ARHGAP6: variants seen among roughly 807,000 people sequenced by gnomAD.
ARHGAP6 encodes the protein Rho GTPase activating protein 6, also known as rho GTPase-activating protein 6.
A neutral mutation model predicts 55.7 loss-of-function variants in ARHGAP6; 16 were observed. The observed-to-expected ratio is 0.29, with a 90% CI of 0.19 to 0.44. The LOEUF is 0.44. Ranked by LOEUF, ARHGAP6 falls within the 20% of genes least tolerant of loss-of-function variation. The pLI is 1.00. For missense variants in ARHGAP6, 698 were observed against 808.9 expected (o/e 0.86, Z 1.66); for synonymous variants, 382 against 360.9 (o/e 1.06, Z -0.66).
chrX:11,227,458 T>A lies in ARHGAP6; in HGVS notation c.748+27090A>T, dbSNP rs1433710182. 2.7e-5 allele frequency among the ~76,000 whole-genome samples: 3 copies of A among 111,800 alleles called. No individual in the cohort carries two copies. The Admixed American group carries it at 2.9e-4, about 11-fold the overall frequency. On this transcript the variant is annotated intron_variant, in intron 2 of 12. Coordinates refer to ENST00000337414, the MANE Select transcript of ARHGAP6 (RefSeq NM_013427.3). ...AGGCTGCCCTAGTTCAAGACCTCAT[T>A]CTTCCTTGCTTGTATTATTAAGCTC...
intron 1 of ARHGAP6, among the ~76,000 whole-genome samples, chrX:11,410,577 G>A (rs890208457): frequency 3.6e-5 from 4 of 112,360 alleles, no homozygotes; most frequent in South Asian, 7.3e-4. Flanking sequence ...GTACAACTCC[G>A]TGAATGTACT....
At chrX:11,632,983 G>A (rs1264541342) in intron 1 of ARHGAP6, among the ~76,000 whole-genome samples, 1 of 111,772 alleles carries the variant, frequency 8.9e-6, no homozygotes, top group African/African-American at 3.3e-5. Context: ...CAGAGCCTTT[G>A]CCTCATGGTG....
In ARHGAP6 at chrX:11,471,300, TTAAAAA is replaced by T. The variant is rs1469402286; in HGVS notation, c.588+192935_588+192940del. ...AACAAAAGCCTTTCACACTTGAAAG[TTAAAAA>T]TAAAAAAGAAACAACAGTATTCTTC... On this transcript the variant is annotated intron_variant, in intron 1 of 12. Coordinates refer to ENST00000337414, the MANE Select transcript of ARHGAP6 (RefSeq NM_013427.3). 3.6e-5 allele frequency among the ~76,000 whole-genome samples: 4 copies of T among 110,969 alleles called. No individual in the cohort carries two copies. In the East Asian group the frequency reaches 8.4e-4, roughly 23 times the overall value.
intron 1 of ARHGAP6, among the ~76,000 whole-genome samples, chrX:11,486,791 G>A (rs1480966789): frequency 8.9e-6 from 1 of 112,011 alleles, no homozygotes; most frequent in African/African-American, 3.2e-5. Flanking sequence ...GGATGTTGAA[G>A]CCTGAATCAG....
rs990216136 is a variant in ARHGAP6, at chrX:11,322,363, A to T, written c.589-67656T>A. ...CCCCAGTGAAAAACACTGATAGCAT[A>T]TTTTTCTTTTTTGAGACAGAGTTTC... On this transcript the variant is annotated intron_variant, in intron 1 of 12. Transcript: ENST00000337414. Among the ~76,000 whole-genome samples, 3 of 106,220 alleles carry T rather than the reference A, an allele frequency of 2.8e-5. No individual in the cohort carries two copies. In the South Asian group the frequency reaches 1.3e-3, roughly 45 times the overall value. The allele number at this position is 106,220 out of a possible 115,157, so 92.2% of individuals were successfully genotyped here. A position where few individuals can be genotyped will look rare whatever the true frequency, so the allele number is the denominator to read the frequency against.
intron 1 of ARHGAP6, among the ~76,000 whole-genome samples, chrX:11,653,413 C>T (rs1278285971): frequency 8.9e-6 from 1 of 112,366 alleles, no homozygotes; most frequent in Non-Finnish European, 1.9e-5. Context: ...AATAAAGTTC[C>T]ACTTGTTTCC....
chrX:11,270,882 T>C (rs1367714723), intron 1 of ARHGAP6, among the ~76,000 whole-genome samples: 1 of 112,027 alleles, frequency 8.9e-6, no homozygotes, highest in Non-Finnish European at 1.9e-5. Context: ...GTACAGAGTG[T>C]GAAATTTGCA....
chrX:11,665,617 C>A lies in ARHGAP6; in HGVS notation c.-789G>T, dbSNP rs1024293518. The A allele has an allele frequency of 8.8e-6, 1 of 113,398 alleles. No homozygotes were observed. Among genetic ancestry groups the A allele is most frequent in the Non-Finnish European group, 1.9e-5 (1 of 53,389 alleles). The allele number at this position is 113,398 out of a possible 1,213,427, so 9.3% of individuals were successfully genotyped here. A position where few individuals can be genotyped will look rare whatever the true frequency, so the allele number is the denominator to read the frequency against. ...AATTCCCGGCGGCGCTCAGCGCTCT[C>A]CGTGGAGGAGGGAGCTCAGGAGACA... On this transcript the variant is annotated 5_prime_UTR_variant, in exon 1 of 13. Coordinates refer to ENST00000337414, the MANE Select transcript of ARHGAP6 (RefSeq NM_013427.3).
At chrX:11,538,879 C>T (rs1236293621) in intron 1 of ARHGAP6, among the ~76,000 whole-genome samples, 4 of 96,623 alleles carry the variant, frequency 4.1e-5, no homozygotes, top group African/African-American at 1.5e-4. Flanking sequence ...GACAGGGTAT[C>T]GTTCTGTCAC....
intron 1 of ARHGAP6, among the ~76,000 whole-genome samples, chrX:11,367,502 G>C (rs1328879419): frequency 8.9e-6 from 1 of 111,875 alleles, no homozygotes; most frequent in Non-Finnish European, 1.9e-5. Context: ...ATGAATCTTT[G>C]ACTACAAGGA....
chrX:11,174,567 TTCCTTC>T (rs1569241132), intron 8 of ARHGAP6, among the ~76,000 whole-genome samples: 1,308 of 79,053 alleles, frequency 0.017, 36 homozygotes, highest in African/African-American at 0.034. Flanking sequence ...CCTTCCTTCC[TTCCTTC>T]CTTTCTTTCT....
At chrX:11,563,631 A>G (rs2051411829) in intron 1 of ARHGAP6, among the ~76,000 whole-genome samples, 1 of 111,381 alleles carries the variant, frequency 9.0e-6, no homozygotes, top group Non-Finnish European at 1.9e-5. Context: ...CATCATTCAT[A>G]ACAATTAAGA....
chrX:11,377,208 T>C (rs775356024), intron 1 of ARHGAP6, among the ~76,000 whole-genome samples: 13 of 112,331 alleles, frequency 1.2e-4, no homozygotes, highest in African/African-American at 2.3e-4. Flanking sequence ...GTGCCCAGCA[T>C]AGTGCTTGGC....
At chrX:11,266,794 T>C (rs771033677) in intron 1 of ARHGAP6, among the ~76,000 whole-genome samples, 3 of 111,894 alleles carry the variant, frequency 2.7e-5, no homozygotes, top group Non-Finnish European at 5.6e-5. Flanking sequence ...AGAATCACTG[T>C]GATTATAATT....
chrX:11,357,161 G>A (rs1485612719), intron 1 of ARHGAP6, among the ~76,000 whole-genome samples: 3 of 112,039 alleles, frequency 2.7e-5, no homozygotes, highest in African/African-American at 9.7e-5. Flanking sequence ...CACGGCTTTT[G>A]ATCCTGTTGT....
chrX:11,453,511 A>T (rs1026742764), intron 1 of ARHGAP6, among the ~76,000 whole-genome samples: 3 of 108,834 alleles, frequency 2.8e-5, no homozygotes, highest in Non-Finnish European at 5.7e-5. Context: ...AAGGATGGTG[A>T]TGGGAGAGGA....
At chrX:11,181,967 A>T in intron 6 of ARHGAP6, 96 bp downstream of exon 6, 2 of 664,089 alleles carry the variant, frequency 3.0e-6, no homozygotes, top group Non-Finnish European at 4.6e-6. Flanking sequence ...AAAAAAAAAG[A>T]TAATCAAAAT....
chrX:11,425,102 G>C (rs1167426830), intron 1 of ARHGAP6, among the ~76,000 whole-genome samples: 1 of 111,911 alleles, frequency 8.9e-6, no homozygotes, highest in Non-Finnish European at 1.9e-5. Flanking sequence ...CCTCTTATAT[G>C]CAGTCTCACC....
intron 1 of ARHGAP6, among the ~76,000 whole-genome samples, chrX:11,554,837 T>C (rs780616228): frequency 8.9e-6 from 1 of 112,006 alleles, no homozygotes; most frequent in South Asian, 3.7e-4. Flanking sequence ...AAAAGTACAG[T>C]TTGATAAAGT....
Sources: allele counts gnomAD v4.1 joint callset (sites outside exome capture counted in the v4.1 genomes callset), GRCh38; gene constraint gnomAD v4.1.1; transcripts MANE v1.5; gene names NCBI Gene and HGNC (gene_info 2026-07-23, HGNC 2026-07-21).